The following CMTM8 variants were observed in gnomAD, a reference collection of about 807,000 sequenced individuals.
CMTM8 encodes CKLF-like MARVEL transmembrane domain-containing protein 8.
CMTM8 carries 12 observed loss-of-function variants against 18.6 expected under a neutral mutation model. That is an observed-to-expected ratio of 0.65 (90% CI 0.41 to 1.05). The LOEUF (loss-of-function observed/expected upper bound fraction) is 1.05, where lower values mean the gene tolerates loss of function less well. Among genes scored for constraint, CMTM8 ranks in the 50% least tolerant of loss-of-function variants. The pLI is 0.00. For synonymous variants in CMTM8, 87 were observed against 90.6 expected (o/e 0.96, Z 0.23); for missense variants, 217 against 227.2 (o/e 0.95, Z 0.29).
At chr3:32,336,088 C>G (rs930509679) in intron 1 of CMTM8, among the ~76,000 whole-genome samples, 3 of 152,224 alleles carry the variant, frequency 2.0e-5, no homozygotes, top group African/African-American at 7.2e-5. Flanking sequence ...GCAAGCATTT[C>G]ATAATCCTCC....
intron 1 of CMTM8, among the ~76,000 whole-genome samples, chr3:32,323,381 T>C (rs891996767): frequency 1.3e-5 from 2 of 152,238 alleles, no homozygotes; most frequent in African/African-American, 2.4e-5. Context: ...CTCTATCTTA[T>C]GTAGTTTACA....
chr3:32,250,394 A>G (rs1226943215), intron 1 of CMTM8, among the ~76,000 whole-genome samples: 1 of 152,210 alleles, frequency 6.6e-6, no homozygotes, highest in Admixed American at 6.5e-5. Flanking sequence ...AGCTTGTCAT[A>G]TAGTACCAAA....
At chr3:32,248,483 T>G (rs972884424) in intron 1 of CMTM8, among the ~76,000 whole-genome samples, 1 of 152,110 alleles carries the variant, frequency 6.6e-6, no homozygotes. Context: ...TGCCTCAGCC[T>G]CCTGAGTAGC....
chr3:32,243,700 G>A (rs899509789), intron 1 of CMTM8: 1 of 152,214 alleles, frequency 6.6e-6, no homozygotes. Flanking sequence ...GAATGCATTT[G>A]ACCTGTGTTC....
At chr3:32,300,959 T>C in intron 1 of CMTM8, among the ~76,000 whole-genome samples, 1 of 119,188 alleles carries the variant, frequency 8.4e-6, no homozygotes, top group Admixed American at 8.9e-5. Flanking sequence ...AAACTCCATC[T>C]CAAAAAAAAA....
At chr3:32,270,546 AATG>A (rs944305397) in intron 1 of CMTM8, among the ~76,000 whole-genome samples, 3 of 152,352 alleles carry the variant, frequency 2.0e-5, no homozygotes, top group Non-Finnish European at 4.4e-5. Context: ...AGCCATAAAA[AATG>A]ATGAGTTCAT....
intron 1 of CMTM8, among the ~76,000 whole-genome samples, chr3:32,261,699 T>C (rs1465334033): frequency 6.6e-6 from 1 of 152,192 alleles, no homozygotes; most frequent in African/African-American, 2.4e-5. Flanking sequence ...CCTCCTTTCT[T>C]TCATTTCCAT....
intron 1 of CMTM8, among the ~76,000 whole-genome samples, chr3:32,342,178 G>A (rs1333461395): frequency 4.0e-5 from 6 of 151,862 alleles, no homozygotes; most frequent in African/African-American, 1.5e-4. Flanking sequence ...AACCCAGGAG[G>A]CGGAGGTTGC....
intron 2 of CMTM8, among the ~76,000 whole-genome samples, chr3:32,361,288 T>TTTTTTTTTGTTTTTTTTTTTTTG (rs1278506563): frequency 6.8e-6 from 1 of 147,206 alleles, no homozygotes; most frequent in Admixed American, 6.7e-5. Context: ...GCCTAAGAGT[T>TTTTTTTTTGTTTTTTTTTTTTTG]TTTTTTTCTT....
At chr3:32,351,896 G>T (rs911522633) in intron 1 of CMTM8, among the ~76,000 whole-genome samples, 7 of 151,772 alleles carry the variant, frequency 4.6e-5, no homozygotes, top group African/African-American at 7.3e-5. Flanking sequence ...ACAGTGGCTG[G>T]CCAGGTGCAG....
chr3:32,341,874 C>CA (rs1052319122), intron 1 of CMTM8, among the ~76,000 whole-genome samples: 2 of 150,934 alleles, frequency 1.3e-5, no homozygotes, highest in African/African-American at 2.4e-5. Flanking sequence ...GACTCTGTCT[C>CA]AAAAAAAATA....
At position 32,275,569 on chromosome 3, in the gene CMTM8, C is replaced by T. The variant is rs114268587; in HGVS notation, c.147+36450C>T. Among the ~76,000 whole-genome samples the T allele has an allele frequency of 5.6e-3, 842 of 151,682 alleles. 3 individuals are homozygous for T. Among genetic ancestry groups the T allele is most frequent in the African/African-American group, 0.019 (799 of 41,318 alleles). On this transcript the variant is annotated intron_variant, in intron 1 of 3. Coordinates refer to ENST00000307526, the MANE Select transcript of CMTM8 (RefSeq NM_178868.5). ...GATAGTATCCAAATGGCATGGGGGC[C>T]GCTCTGTCCCTCAAAGGTATTGGTG...
At chr3:32,334,985 G>T (rs973539479) in intron 1 of CMTM8, among the ~76,000 whole-genome samples, 1 of 152,198 alleles carries the variant, frequency 6.6e-6, no homozygotes, top group African/African-American at 2.4e-5. Context: ...TGGTGAGGGA[G>T]GGAGGAAAGG....
chr3:32,259,383 G>A (rs753784828), intron 1 of CMTM8: 11 of 846,838 alleles, frequency 1.3e-5, no homozygotes, highest in Admixed American at 1.0e-4. Context: ...GACAATGCCC[G>A]CATTGTTCTG....
chr3:32,339,965 A>AAAAT (rs928037591), intron 1 of CMTM8, among the ~76,000 whole-genome samples: 9 of 152,158 alleles, frequency 5.9e-5, no homozygotes, highest in African/African-American at 1.2e-4. Flanking sequence ...TCCATCTCAA[A>AAAAT]AAATAAATAA....
intron 1 of CMTM8, 130 bp downstream of exon 1, chr3:32,239,249 C>T (rs989928000): frequency 8.1e-6 from 8 of 985,998 alleles, no homozygotes; most frequent in Non-Finnish European, 1.2e-5. Flanking sequence ...TGCTCAGCCT[C>T]GCCTTCTTCC....
At chr3:32,332,898 C>T (rs540509196) in intron 1 of CMTM8, among the ~76,000 whole-genome samples, 2 of 152,262 alleles carry the variant, frequency 1.3e-5, no homozygotes, top group South Asian at 2.1e-4. Flanking sequence ...GTTATCCTCT[C>T]CCCTTCTCCC....
At chr3:32,277,316 G>A (rs768408006) in intron 1 of CMTM8, among the ~76,000 whole-genome samples, 9 of 152,168 alleles carry the variant, frequency 5.9e-5, no homozygotes, top group Non-Finnish European at 1.0e-4. Flanking sequence ...AAGGCCCCAC[G>A]GTGGTTGCTG....
intron 1 of CMTM8, among the ~76,000 whole-genome samples, chr3:32,268,383 G>T (rs1339882709): frequency 6.6e-6 from 1 of 152,110 alleles, no homozygotes; most frequent in African/African-American, 2.4e-5. Flanking sequence ...TCATAAGTGG[G>T]AATTGAACAG....
Sources: gnomAD v4.1 joint callset for allele counts (sites outside exome capture counted in the v4.1 genomes callset) on GRCh38, gnomAD v4.1.1 for gene constraint, MANE v1.5 for transcripts, NCBI Gene and HGNC (gene_info 2026-07-23, HGNC 2026-07-21) for gene names.